Variants in ADGRV1 observed in about 807,000 individuals in gnomAD.
ADGRV1 encodes adhesion G protein-coupled receptor V1.
Under a neutral mutation model 596.2 loss-of-function variants are expected in ADGRV1, and 359 were observed. The observed-to-expected ratio is 0.60, with a 90% CI of 0.55 to 0.66. The LOEUF is 0.66. ADGRV1 is among the 30% of genes least tolerant of loss of function. ADGRV1 has a pLI of 0.00. For missense variants in ADGRV1, 7,274 were observed against 7,575.6 expected, an observed-to-expected ratio of 0.96 and a Z score of 1.48; for synonymous variants, 2,681 against 2,679.2, an observed-to-expected ratio of 1.00 and a Z score of -0.02.
In ADGRV1 at chr5:90,794,740, C is replaced by T. The variant is rs529937036; in HGVS notation, c.14517+3394C>T. Among the ~76,000 whole-genome samples, 14 of 152,270 alleles carry T rather than the reference C, an allele frequency of 9.2e-5. No individual in the cohort carries two copies. In the East Asian group the frequency reaches 9.7e-4, roughly 11 times the overall value. On this transcript the variant is annotated intron_variant, in intron 70 of 89. Coordinates refer to ENST00000405460, the MANE Select transcript of ADGRV1 (RefSeq NM_032119.4). ...GGTCTGCAGCTCCCAGTGAGATCGA[C>T]GCAGAAGGCAGGTGATTTCTGCATT...
At chr5:90,778,758 T>G (rs868068364) in intron 63 of ADGRV1, 107 bp from the exon 64 acceptor site, 2 of 1,082,136 alleles carry the variant, frequency 1.8e-6, no homozygotes, top group Middle Eastern at 5.8e-4. Flanking sequence ...TTTTATAACC[T>G]TATATGTAAT....
chr5:90,950,217 A>G (rs1407431214), intron 83 of ADGRV1, among the ~76,000 whole-genome samples: 1 of 152,220 alleles, frequency 6.6e-6, no homozygotes, highest in African/African-American at 2.4e-5. Flanking sequence ...TAGTGTATGT[A>G]TATTGCTATA....
chr5:90,713,773 T>C (rs1322544632), intron 42 of ADGRV1, among the ~76,000 whole-genome samples: 2 of 152,170 alleles, frequency 1.3e-5, no homozygotes, highest in Admixed American at 6.5e-5. Context: ...AAGGTCCTTA[T>C]AAAAATCTGA....
intron 1 of ADGRV1, among the ~76,000 whole-genome samples, chr5:90,600,891 TAAAAA>T: frequency 6.6e-6 from 1 of 151,482 alleles, no homozygotes; most frequent in South Asian, 2.1e-4. Context: ...AAACAAAAAT[TAAAAA>T]AAAGATGCAT....
intron 85 of ADGRV1, among the ~76,000 whole-genome samples, chr5:90,988,815 G>T (rs1208021795): frequency 9.1e-6 from 1 of 109,298 alleles, no homozygotes; most frequent in Non-Finnish European, 1.7e-5. Flanking sequence ...AACAGGCCCC[G>T]GTGTGTGATG....
chr5:90,931,250 G>C (rs1199943718), intron 83 of ADGRV1: 1 of 152,258 alleles, frequency 6.6e-6, no homozygotes, highest in African/African-American at 2.4e-5. Flanking sequence ...AGTCATGGGG[G>C]ATGAGGCTGG....
In ADGRV1 at chr5:91,022,828, G is replaced by A. The variant is rs114449434; in HGVS notation, c.18152+37306G>A. On this transcript the variant is annotated intron_variant, in intron 85 of 89. Transcript: ENST00000405460. ...AATATGTAATTTAGTTTCCCTTAAT[G>A]TGAGGGATGAATTTGTTCCAACAGG... is the stretch of plus-strand genomic sequence containing the variant. Among the ~76,000 whole-genome samples, 299 of 152,256 alleles carry A rather than the reference G, an allele frequency of 2.0e-3. 1 individual carries two copies. Among genetic ancestry groups the A allele is most frequent in the African/African-American group, 6.1e-3 (253 of 41,562 alleles).
intron 77 of ADGRV1, among the ~76,000 whole-genome samples, chr5:90,835,953 G>A (rs1328825934): frequency 6.6e-6 from 1 of 152,204 alleles, no homozygotes; most frequent in African/African-American, 2.4e-5. Context: ...GATTTCACCA[G>A]AAAGGATGTA....
intron 85 of ADGRV1, among the ~76,000 whole-genome samples, chr5:91,030,062 C>T (rs1408266046): frequency 6.6e-6 from 1 of 152,084 alleles, no homozygotes; most frequent in Non-Finnish European, 1.5e-5. Flanking sequence ...ATTTACTTGT[C>T]ATATACTAAA....
chr5:91,072,023 A>G (rs1788433865), intron 85 of ADGRV1, among the ~76,000 whole-genome samples: 3 of 152,156 alleles, frequency 2.0e-5, no homozygotes. Context: ...GAAGTTAAAA[A>G]GTATATCTAA....
rs547796091 is a variant in ADGRV1 at position 90,994,403 on chromosome 5, C to T, written c.18152+8881C>T. Reference sequence around the variant, plus strand: ...TCAATTCAAGAATTTCTATGTGGTTCTTTTTTATGATTTCTATCTCTTTAT... The same window carrying T: ...TCAATTCAAGAATTTCTATGTGGTTTTTTTTTATGATTTCTATCTCTTTAT... On this transcript the variant is annotated intron_variant, in intron 85 of 89. Coordinates refer to ENST00000405460, the MANE Select transcript of ADGRV1 (RefSeq NM_032119.4). 2.0e-5 allele frequency among the ~76,000 whole-genome samples: 3 copies of T among 152,086 alleles called. No homozygotes were observed. The East Asian group carries it at 5.8e-4, about 29-fold the overall frequency.
chr5:90,767,558 T>G (rs1313569228), intron 59 of ADGRV1, among the ~76,000 whole-genome samples: 1 of 152,148 alleles, frequency 6.6e-6, no homozygotes, highest in Non-Finnish European at 1.5e-5. Flanking sequence ...ATATAGAAAG[T>G]CTAAACCTAT....
chr5:90,766,357 C>A (rs150693572), intron 59 of ADGRV1, among the ~76,000 whole-genome samples: 1 of 152,096 alleles, frequency 6.6e-6, no homozygotes, highest in Non-Finnish European at 1.5e-5. Context: ...TTTCTGTAAT[C>A]GTTACATGTA....
At chr5:90,792,994 G>A (rs1169991257) in intron 70 of ADGRV1, 2 of 152,236 alleles carry the variant, frequency 1.3e-5, no homozygotes, top group East Asian at 1.9e-4. Context: ...GATATGGGGA[G>A]AATGTGCAGA....
At position 90,791,208 on chromosome 5, in the gene ADGRV1, A is replaced by G. The variant is rs368402664; in HGVS notation, c.14379A>G (p.Thr4793=). Residue 4793 remains threonine (T), a synonymous_variant, in exon 70 of 90, where the codon ACA becomes ACG. Coordinates refer to ENST00000405460, the MANE Select transcript of ADGRV1 (RefSeq NM_032119.4). ...IQINITRLAG[T]FGDVAVGLRI... ...TTAACATAACCCGGCTTGCTGGAAC[A>G]TTTGGAGATGTGGCTGTTGGGCTTC... 17 of 1,613,776 alleles carry G rather than the reference A, an allele frequency of 1.1e-5. No individual in the cohort carries two copies. Among genetic ancestry groups the G allele is most frequent in the East Asian group, 2.2e-5 (1 of 44,890 alleles).
At chr5:90,850,565 GTTA>G (rs898363254) in intron 79 of ADGRV1, 4 of 152,150 alleles carry the variant, frequency 2.6e-5, no homozygotes, top group Non-Finnish European at 5.9e-5. Context: ...AAGAATACCT[GTTA>G]TTGTTTTCCC....
intron 1 of ADGRV1, among the ~76,000 whole-genome samples, chr5:90,582,379 TTGGGTGTGTATATA>T (rs1758180091): frequency 6.6e-6 from 1 of 152,110 alleles, no homozygotes; most frequent in African/African-American, 2.4e-5. Flanking sequence ...TGCTCTAGAG[TTGGGTGTGTATATA>T]TTTAGGATAG....
intron 87 of ADGRV1, among the ~76,000 whole-genome samples, chr5:91,118,968 G>C (rs1793080366): frequency 6.6e-6 from 1 of 151,892 alleles, no homozygotes; most frequent in Non-Finnish European, 1.5e-5. Flanking sequence ...GTTTTCTATT[G>C]CATCCCATTG....
intron 52 of ADGRV1, 59 bp downstream of exon 52, chr5:90,745,854 GTATTAGCTAT>G (rs1478474426): frequency 5.0e-6 from 5 of 1,006,108 alleles, no homozygotes; most frequent in Non-Finnish European, 7.6e-6. Flanking sequence ...TTGTATTTGT[GTATTAGCTAT>G]TATTAGCACT....
Sources: gnomAD v4.1 joint callset for allele counts (sites outside exome capture counted in the v4.1 genomes callset) on GRCh38, gnomAD v4.1.1 for gene constraint, MANE v1.5 for transcripts, NCBI Gene and HGNC (gene_info 2026-07-23, HGNC 2026-07-21) for gene names.